The following RNF123 variants were observed in gnomAD, a reference collection of about 807,000 sequenced individuals.
The protein encoded by RNF123 is ring finger protein 123.
In RNF123, 86 loss-of-function variants were observed where a neutral mutation model predicts 168.5. That is an observed-to-expected ratio of 0.51 (90% confidence interval 0.43 to 0.61). RNF123 has a LOEUF of 0.61. RNF123 is among the 20% of genes least tolerant of loss of function. The pLI is 0.00. For synonymous variants in RNF123, 666 were observed against 689.1 expected (o/e 0.97, Z 0.52); for missense variants, 1,419 against 1,729.7 (o/e 0.82, Z 3.19).
chr3:49,697,237 C>G lies in RNF123; in HGVS notation c.247+15C>G. On this transcript the variant is annotated intron_variant, in intron 4 of 38. Coordinates refer to ENST00000327697, the MANE Select transcript of RNF123 (RefSeq NM_022064.5). ...GGAAAGCCAGGGTATGTGGCCACCTCTGGAGTGGGGTTGGGAGGTGCAGAG... is the reference window on the plus strand; with the variant it reads ...GGAAAGCCAGGGTATGTGGCCACCTGTGGAGTGGGGTTGGGAGGTGCAGAG... 1 of 1,612,654 alleles carries G rather than the reference C, an allele frequency of 6.2e-7. No homozygotes were observed. The highest frequency in any genetic ancestry group is 8.5e-7 in the Non-Finnish European group (1 of 1,178,750).
chr3:49,707,639 C>A (rs757287311), intron 26 of RNF123, among the ~76,000 whole-genome samples: 1 of 152,160 alleles, frequency 6.6e-6, no homozygotes, highest in Admixed American at 6.5e-5. Context: ...CTTGGGCATA[C>A]CCCTGCATGA....
intron 35 of RNF123, chr3:49,718,305 TGTG>T (rs1307970905): frequency 3.1e-6 from 5 of 1,613,020 alleles, no homozygotes. Context: ...AGCCCAGCAG[TGTG>T]GTGAAGCCTG....
At position 49,721,226 on chromosome 3, in the gene RNF123, T is replaced by G. The variant is rs1001399602; in HGVS notation, c.3866T>G (p.Phe1289Cys). 31 of 1,614,068 alleles carry G rather than the reference T, an allele frequency of 1.9e-5. No homozygotes were observed. The highest frequency in any genetic ancestry group is 5.0e-5 in the Admixed American group (3 of 60,010). Residue 1289 changes from phenylalanine (F) to cysteine (C), a missense_variant, in exon 39 of 39, where the codon TTC becomes TGC. Physicochemically the swap from Phe to Cys is radical, Grantham distance 205. Around this residue, in one of 5 missense-constraint regions of RNF123, gnomAD observed 50 missense variants for 77.2 expected, o/e 0.65. Transcript: ENST00000327697. ...CACCTGATGAACAACAAGGACTGCT[T>G]CTTCTGCAAAACCACCATCGTGTCT... is the stretch of plus-strand genomic sequence containing the variant. The part of the protein sequence containing the change: ...NQHLMNNKDC[F>C]FCKTTIVSVE...
chr3:49,689,756 G>A (rs775861240), intron 1 of RNF123, 150 bp downstream of exon 1: 8 of 152,344 alleles, frequency 5.3e-5, no homozygotes, highest in Non-Finnish European at 8.8e-5. Flanking sequence ...TGTGGAGCTT[G>A]GGGCCAGGCG....
Position 49,699,506 on chromosome 3 carries a change from C to T in RNF123, c.803C>T (p.Pro268Leu), listed in dbSNP as rs748470494. ...VAGYRPLQDP[P>L]SADLVRAQRL... ...GGCTACCGGCCCCTGCAGGACCCACCGAGTGCTGACCTGGTGCGGGCACAG... is the reference window on the plus strand; with the variant it reads ...GGCTACCGGCCCCTGCAGGACCCACTGAGTGCTGACCTGGTGCGGGCACAG... Residue 268 changes from proline to leucine, a missense_variant, in exon 11 of 39, where the codon CCG (proline) becomes CTG (leucine). Transcript: ENST00000327697. This position sits in a 1 kb window ranked among gnomAD's most constrained non-coding sequence, Gnocchi z 4.8. 14 of 1,611,032 alleles carry T rather than the reference C, an allele frequency of 8.7e-6. No individual in the cohort carries two copies. The highest frequency in any genetic ancestry group is 4.4e-5 in the South Asian group (4 of 90,766).
chr3:49,710,902 T>C (rs1284571137), intron 26 of RNF123, among the ~76,000 whole-genome samples: 1 of 152,170 alleles, frequency 6.6e-6, no homozygotes, highest in African/African-American at 2.4e-5. Flanking sequence ...TTGAACTGCC[T>C]TCATTCTCTG....
chr3:49,701,843 C>T lies in RNF123; in HGVS notation c.1428C>T (p.Thr476=), dbSNP rs140587538. The T allele has an allele frequency of 9.1e-4, 1,427 of 1,573,748 alleles. No individual in the cohort carries two copies. Among genetic ancestry groups the T allele is most frequent in the Non-Finnish European group, 1.1e-3 (1,324 of 1,160,018 alleles). The change falls in exon 17 of 39, where the codon ACC becomes ACT. Residue 476 remains threonine, a synonymous_variant. Transcript: ENST00000327697. ...GKESTEMKEE[T]AEERLRRRAY... ...AGAGCACGGAGATGAAGGAGGAGAC[C>T]GCAGAGGAGCGGCTGCGGCGGCGAG... is the stretch of plus-strand genomic sequence containing the variant.
intron 1 of RNF123, 114 bp from the exon 2 acceptor site, chr3:49,691,016 G>C (rs1174943113): frequency 7.9e-6 from 5 of 633,992 alleles, no homozygotes; most frequent in African/African-American, 1.8e-5. Context: ...CTATGTGTTA[G>C]TGTGCATGCC....
Position 49,712,508 on chromosome 3 carries a change from G to T in RNF123, c.2526G>T (p.Leu842=), listed in dbSNP as rs1477663192. ...QEKMLDIYWL[L]RVCLRTIEHG... is the part of the protein sequence containing the mutation. Reference sequence around the variant, plus strand: ...AGATGCTGGACATCTACTGGCTGCTGCGCGTCTGCCTGCGGACCATTGAGC... The same window carrying T: ...AGATGCTGGACATCTACTGGCTGCTTCGCGTCTGCCTGCGGACCATTGAGC... The change falls in exon 27 of 39, where the codon CTG becomes CTT. Residue 842 remains leucine, a synonymous_variant. Transcript: ENST00000327697. 6.2e-7 allele frequency: 1 copy of T among 1,614,016 alleles called. No homozygotes were observed. Among genetic ancestry groups the T allele is most frequent in the Admixed American group, 1.7e-5 (1 of 60,012 alleles).
At position 49,702,687 on chromosome 3, in the gene RNF123, A is replaced by G; in HGVS notation, c.1684A>G (p.Ile562Val). 6.2e-7 allele frequency: 1 copy of G among 1,614,194 alleles called. No homozygotes were observed. The highest frequency in any genetic ancestry group is 1.1e-5 in the South Asian group (1 of 91,086). The change falls in exon 20 of 39, where the codon ATC (isoleucine) becomes GTC (valine). Residue 562 changes from isoleucine (I) to valine (V), a missense_variant. Around this residue, in one of 5 missense-constraint regions of RNF123, gnomAD observed 349 missense variants for 344.9 expected, o/e 1.01. Transcript: ENST00000327697. ...EYMVCFLHRL[I>V]SALRYYWDEY... ...CATGGTCTGCTTCTTACACCGGCTG[A>G]TCTCTGCCCTGCGCTACTATTGGGA...
chr3:49,715,918 C>T lies in RNF123; in HGVS notation c.3247C>T (p.Arg1083Cys), dbSNP rs1454405454. Residue 1083 changes from arginine to cysteine, a missense_variant, in exon 33 of 39, where the codon CGT becomes TGT. Coordinates refer to ENST00000327697, the MANE Select transcript of RNF123 (RefSeq NM_022064.5). ...CTTTGACCTCTCGGTCAGCCTGCTG[C>T]GTGTCTTGGAGATGACTATCACACT... ...TCFDLSVSLL[R>C]VLEMTITLVP... The T allele has an allele frequency of 2.5e-6, 4 of 1,614,086 alleles. No homozygotes were observed. Among genetic ancestry groups the T allele is most frequent in the Non-Finnish European group, 3.4e-6 (4 of 1,180,040 alleles).
rs200279168 is a variant in RNF123 at position 49,701,844 on chromosome 3, G to C, written c.1429G>C (p.Ala477Pro). 4 of 1,574,000 alleles carry C rather than the reference G, an allele frequency of 2.5e-6. No homozygotes were observed. Among genetic ancestry groups the C allele is most frequent in the Non-Finnish European group, 3.4e-6 (4 of 1,160,172 alleles). ...KESTEMKEET[A>P]EERLRRRAYE... ...GAGCACGGAGATGAAGGAGGAGACCGCAGAGGAGCGGCTGCGGCGGCGAGC... is the reference window on the plus strand; with the variant it reads ...GAGCACGGAGATGAAGGAGGAGACCCCAGAGGAGCGGCTGCGGCGGCGAGC... The change falls in exon 17 of 39, where the codon GCA becomes CCA. Residue 477 changes from alanine (A) to proline (P), a missense_variant. By Grantham distance (27) the Ala-to-Pro change is conservative. Around this residue, in one of 5 missense-constraint regions of RNF123, gnomAD observed 349 missense variants for 344.9 expected, o/e 1.01. Transcript: ENST00000327697.
At chr3:49,716,051 C>T in intron 33 of RNF123, 41 bp downstream of exon 33, 1 of 1,613,354 alleles carries the variant, frequency 6.2e-7, no homozygotes, top group Non-Finnish European at 8.5e-7. Flanking sequence ...CCTGGGGATG[C>T]CCCATTGATG....
chr3:49,718,038 G>A lies in RNF123; in HGVS notation c.3500+1561G>A, dbSNP rs34057616. 3,840 of 1,613,688 alleles carry A rather than the reference G, an allele frequency of 2.4e-3. 99 individuals are homozygous for A. The South Asian group carries it at 0.04, about 17-fold the overall frequency. On this transcript the variant is annotated intron_variant, in intron 35 of 38. Transcript: ENST00000327697. ...GCAGGCCTCCAGGGTTGTAGAGATC[G>A]AATTCCTCAGCTACTGCCAGCTGCA...
At chr3:49,712,786 C>T in intron 27 of RNF123, 130 bp downstream of exon 27, 1 of 1,058,070 alleles carries the variant, frequency 9.5e-7, no homozygotes. Context: ...GAGGAGCTTC[C>T]TCTGTGGTTC....
Position 49,700,682 on chromosome 3 carries a change from C to T in RNF123, c.1250C>T (p.Ser417Phe). 1 of 1,614,202 alleles carries T rather than the reference C, an allele frequency of 6.2e-7. No individual in the cohort carries two copies. Among genetic ancestry groups the T allele is most frequent in the African/African-American group, 1.3e-5 (1 of 75,062 alleles). ...ATCGCCATCCTGAGGCATGAGAAGT[C>T]CCGCAAGTTTCTGCTTAGCAATGTC... Reference protein sequence around the residue: ...LTIAILRHEKSRKFLLSNVLF... With the variant: ...LTIAILRHEKFRKFLLSNVLF... The change falls in exon 15 of 39, where the codon TCC becomes TTC. Residue 417 changes from serine (S) to phenylalanine (F), a missense_variant. Transcript: ENST00000327697.
In RNF123 at chr3:49,699,835, T is replaced by A; in HGVS notation, c.984+63T>A. The A allele has an allele frequency of 6.6e-7, 1 of 1,521,040 alleles. No individual in the cohort carries two copies. Among genetic ancestry groups the A allele is most frequent in the Non-Finnish European group, 9.1e-7 (1 of 1,102,352 alleles). The allele number at this position is 1,521,040 out of a possible 1,614,324, so 94.2% of individuals were successfully genotyped here. A position where few individuals can be genotyped will look rare whatever the true frequency, so the allele number is the denominator to read the frequency against. On this transcript the variant is annotated intron_variant, in intron 12 of 38. Coordinates refer to ENST00000327697, the MANE Select transcript of RNF123 (RefSeq NM_022064.5). This position sits in a 1 kb window ranked among gnomAD's most constrained non-coding sequence, Gnocchi z 4.8. ...CAGGCCATGCTAGACACGCCCGTGG[T>A]AGATGTGCCCTCACTGAGGGCTGCA...
chr3:49,690,889 C>G (rs1015735157), intron 1 of RNF123, among the ~76,000 whole-genome samples: 10 of 152,204 alleles, frequency 6.6e-5, no homozygotes, highest in Admixed American at 5.9e-4. Flanking sequence ...TGCTCTCTGC[C>G]CAGCCCTGTG....
intron 26 of RNF123, among the ~76,000 whole-genome samples, chr3:49,708,247 C>T (rs1011919122): frequency 1.3e-5 from 2 of 152,130 alleles, no homozygotes; most frequent in Non-Finnish European, 2.9e-5. Context: ...TACAGGCGTG[C>T]GCCACTGTGC....
Sources: allele counts gnomAD v4.1 joint callset (sites outside exome capture counted in the v4.1 genomes callset), GRCh38; gene constraint gnomAD v4.1.1; regional missense constraint gnomAD v4.1.1; non-coding constraint Gnocchi (gnomAD v3.1); transcripts MANE v1.5; gene names NCBI Gene and HGNC (gene_info 2026-07-23, HGNC 2026-07-21).